PCDHA1: variants seen among roughly 807,000 people sequenced by gnomAD.
PCDHA1 encodes the protein protocadherin alpha 1.
A neutral mutation model predicts 61.3 loss-of-function variants in PCDHA1; 42 were observed. The ratio of observed to expected loss-of-function variants is 0.69; its 90% CI spans 0.54 to 0.89. The LOEUF (loss-of-function observed/expected upper bound fraction) is 0.89. PCDHA1 is among the 40% of genes least tolerant of loss of function. The pLI, the probability that PCDHA1 is intolerant of heterozygous loss-of-function variation, is 0.00. For missense variants in PCDHA1, 1,256 were observed against 1,235.3 expected (o/e 1.02, Z -0.25); for synonymous variants, 610 against 553.8 (o/e 1.10, Z -1.43).
At chr5:140,862,662 C>T in intron 1 of PCDHA1, 1 of 546,862 alleles carries the variant, frequency 1.8e-6, no homozygotes, top group Non-Finnish European at 3.7e-6. Context: ...GGGACCGGGA[C>T]GCGCAGGAGA....
Position 140,787,276 on chromosome 5 carries a change from C to T in PCDHA1, c.986C>T (p.Pro329Leu), listed in dbSNP as rs548641282. The change falls in exon 1 of 4, where the codon CCG (proline) becomes CTG (leucine). Residue 329 changes from proline to leucine, a missense_variant. Physicochemically the swap from Pro to Leu is moderately conservative, Grantham distance 98. Transcript: ENST00000504120. ...AAGGCAGTTGATAAAGGAAGTCCTC[C>T]GATGTCAAATCACTGTAAGGTTTTG... ...QVKAVDKGSP[P>L]MSNHCKVLVK... is the part of the protein sequence containing the mutation. 3 of 1,614,132 alleles carry T rather than the reference C, an allele frequency of 1.9e-6. No homozygotes were observed. Among genetic ancestry groups the T allele is most frequent in the East Asian group, 2.2e-5 (1 of 44,888 alleles).
At chr5:140,884,239 C>A (rs781996098) in intron 1 of PCDHA1, 1 of 1,613,424 alleles carries the variant, frequency 6.2e-7, no homozygotes, top group South Asian at 1.1e-5. Flanking sequence ...ACGGTGAGCC[C>A]GCGCTGACGG....
chr5:140,961,236 T>G (rs246004), intron 1 of PCDHA1, among the ~76,000 whole-genome samples: 1 of 151,942 alleles, frequency 6.6e-6, no homozygotes, highest in African/African-American at 2.4e-5. Context: ...AAAAAGGTGA[T>G]GGAATTTATC....
At chr5:140,884,329 G>T (rs782258780) in intron 1 of PCDHA1, 1 of 1,613,760 alleles carries the variant, frequency 6.2e-7, no homozygotes, top group Non-Finnish European at 8.5e-7. Flanking sequence ...CAGGCGCTGT[G>T]GGTCCAGAAG....
chr5:140,823,485 T>C, intron 1 of PCDHA1: 1 of 1,613,360 alleles, frequency 6.2e-7, no homozygotes, highest in South Asian at 1.1e-5. Flanking sequence ...CTCGAGTGGG[T>C]GGCACCGGCG....
chr5:140,877,480 G>A (rs782077464), intron 1 of PCDHA1: 3 of 1,613,888 alleles, frequency 1.9e-6, no homozygotes, highest in Non-Finnish European at 8.5e-7. Context: ...GGTGTCGCTG[G>A]TGGAGAACGG....
At chr5:140,991,411 C>G (rs905076175) in intron 3 of PCDHA1, among the ~76,000 whole-genome samples, 8 of 152,156 alleles carry the variant, frequency 5.3e-5, no homozygotes, top group Admixed American at 5.2e-4. Flanking sequence ...TCCCATTATG[C>G]TATAACAAAT....
At chr5:140,893,892 C>A (rs1554185839) in intron 1 of PCDHA1, among the ~76,000 whole-genome samples, 1 of 152,184 alleles carries the variant, frequency 6.6e-6, no homozygotes, top group Non-Finnish European at 1.5e-5. Flanking sequence ...CAGAAAGTTA[C>A]TTTACCTTCT....
At chr5:140,929,678 T>C in intron 1 of PCDHA1, 1 of 305,066 alleles carries the variant, frequency 3.3e-6, no homozygotes, top group East Asian at 5.8e-5. Flanking sequence ...ATGAAAAATA[T>C]GTAAGAGTCT....
chr5:141,007,277 C>T (rs2098312243), intron 3 of PCDHA1, among the ~76,000 whole-genome samples: 1 of 151,304 alleles, frequency 6.6e-6, no homozygotes, highest in Non-Finnish European at 1.5e-5. Context: ...AGGCTGGGTG[C>T]AGTGGGCTCA....
At chr5:140,837,492 T>A (rs1775076857) in intron 1 of PCDHA1, among the ~76,000 whole-genome samples, 1 of 140,282 alleles carries the variant, frequency 7.1e-6, no homozygotes, top group Non-Finnish European at 1.5e-5. Flanking sequence ...TTACTTTACC[T>A]TTCTGAATTT....
chr5:140,883,691 T>C (rs2059755439), intron 1 of PCDHA1: 2 of 1,613,592 alleles, frequency 1.2e-6, no homozygotes, highest in African/African-American at 2.7e-5. Flanking sequence ...CTGCCACATC[T>C]TCACGGTGTC....
chr5:140,982,267 A>T, intron 2 of PCDHA1: 4 of 883,458 alleles, frequency 4.5e-6, no homozygotes, highest in Non-Finnish European at 6.5e-6. Context: ...GTGTTCCTGG[A>T]ATAGTATAGC....
chr5:140,787,652 G>C lies in PCDHA1; in HGVS notation c.1362G>C (p.Ala454=). The change falls in exon 1 of 4, where the codon GCG becomes GCC. Residue 454 remains alanine, a synonymous_variant. Transcript: ENST00000504120. ...CCGACGTGAATGACAACGCGCCTGC[G>C]TTCGCGCAGCCCGAGTACACAGTAT... ...EVADVNDNAP[A]FAQPEYTVFV... The C allele has an allele frequency of 6.2e-7, 1 of 1,614,042 alleles. No homozygotes were observed.
Position 140,836,160 on chromosome 5 carries a change from A to G in PCDHA1, c.2394+47476A>G, listed in dbSNP as rs1774254627. On this transcript the variant is annotated intron_variant, in intron 1 of 3. Transcript: ENST00000504120. ...TGTGGGCGCGGGCCATGTGGTGGCG[A>G]AGGTACGTGCAGTTGACGCTGACTC... 6.2e-7 allele frequency: 1 copy of G among 1,613,780 alleles called. No homozygotes were observed. The highest frequency in any genetic ancestry group is 1.7e-5 in the Admixed American group (1 of 60,020).
At chr5:140,823,955 C>A (rs2150130710) in intron 1 of PCDHA1, 1 of 1,614,042 alleles carries the variant, frequency 6.2e-7, no homozygotes, top group Non-Finnish European at 8.5e-7. Flanking sequence ...GCGCAGCCCA[C>A]CGAGGCCGTG....
intron 1 of PCDHA1, chr5:140,823,223 C>T (rs1367836220): frequency 1.2e-6 from 2 of 1,613,672 alleles, no homozygotes; most frequent in Non-Finnish European, 8.5e-7. Context: ...GACGCGGACG[C>T]GCAGGAGAAC....
At chr5:140,865,241 T>C (rs1581737051) in intron 1 of PCDHA1, 1 of 152,220 alleles carries the variant, frequency 6.6e-6, no homozygotes, top group Non-Finnish European at 1.5e-5. Context: ...AACACGTATT[T>C]ATAGCTGTAA....
At chr5:140,903,916 T>C (rs1192195691) in intron 1 of PCDHA1, among the ~76,000 whole-genome samples, 1 of 152,260 alleles carries the variant, frequency 6.6e-6, no homozygotes, top group African/African-American at 2.4e-5. Flanking sequence ...TGTGACTTCC[T>C]TGCTGCATTG....
Sources: allele counts gnomAD v4.1 joint callset (sites outside exome capture counted in the v4.1 genomes callset), GRCh38; gene constraint gnomAD v4.1.1; transcripts MANE v1.5; gene names NCBI Gene and HGNC (gene_info 2026-07-23, HGNC 2026-07-21).